The following PCDHA9 variants were observed in gnomAD, a reference collection of about 807,000 sequenced individuals.
The protein encoded by PCDHA9 is protocadherin alpha-9.
In PCDHA9, 62 loss-of-function variants were observed where a neutral mutation model predicts 62.0. The observed-to-expected ratio is 1.00, with a 90% CI of 0.81 to 1.23. The LOEUF (loss-of-function observed/expected upper bound fraction) is 1.23, where lower values mean the gene tolerates loss of function less well. PCDHA9 is among the 50% of genes most tolerant of loss of function. The pLI, the probability that PCDHA9 is intolerant of heterozygous loss-of-function variation, is 0.00. For missense variants in PCDHA9, 1,205 were observed against 1,249.8 expected, an observed-to-expected ratio of 0.96 and a Z score of 0.54; for synonymous variants, 557 against 567.6, an observed-to-expected ratio of 0.98 and a Z score of 0.27.
intron 3 of PCDHA9, among the ~76,000 whole-genome samples, chr5:140,989,486 A>G (rs1563557204): frequency 6.6e-6 from 1 of 152,190 alleles, no homozygotes; most frequent in African/African-American, 2.4e-5. Context: ...AGGTGCTTGA[A>G]CAAGAAAGAC....
intron 3 of PCDHA9, among the ~76,000 whole-genome samples, chr5:141,003,290 G>A (rs1302166316): frequency 1.3e-5 from 2 of 152,176 alleles, no homozygotes; most frequent in Non-Finnish European, 2.9e-5. Flanking sequence ...TTGGATTATA[G>A]GATTACATGA....
Position 140,857,722 on chromosome 5 carries a change from C to G in PCDHA9, c.2394+6833C>G, listed in dbSNP as rs371525843. The G allele has an allele frequency of 7.4e-5, 119 of 1,597,430 alleles. 2 individuals carry two copies. The highest frequency in any genetic ancestry group is 6.2e-4 in the East Asian group (28 of 44,824). The stretch of plus-strand genomic sequence containing the variant: ...TGCAGGTGTTCGTGCTGGACGAGAA[C>G]GACAACGCTCCCGCGCTGCTGGCGT... On this transcript the variant is annotated intron_variant, in intron 1 of 3. Transcript: ENST00000532602.
intron 1 of PCDHA9, chr5:140,862,791 G>A (rs782639549): frequency 1.7e-6 from 1 of 578,844 alleles, no homozygotes; most frequent in Non-Finnish European, 3.3e-6. Context: ...TGGACTACGA[G>A]GAGCTGGAGC....
At chr5:140,941,603 T>C (rs116946105) in intron 1 of PCDHA9, among the ~76,000 whole-genome samples, 1 of 152,024 alleles carries the variant, frequency 6.6e-6, no homozygotes, top group East Asian at 1.9e-4. Flanking sequence ...CCATGAGCCA[T>C]GGTGCCCAGC....
intron 1 of PCDHA9, chr5:140,883,657 C>T: frequency 1.2e-6 from 2 of 1,613,594 alleles, no homozygotes; most frequent in Non-Finnish European, 1.7e-6. Context: ...ACACGGTGTT[C>T]GTGAAGGAAA....
chr5:140,869,392 G>C (rs372231398), intron 1 of PCDHA9: 24 of 1,614,164 alleles, frequency 1.5e-5, no homozygotes, highest in African/African-American at 1.5e-4. Flanking sequence ...GGAGCTGTGC[G>C]GGCAGAGCGC....
At position 140,849,712 on chromosome 5, in the gene PCDHA9, C is replaced by G. The variant is rs782768269; in HGVS notation, c.1217C>G (p.Ser406Trp). The change falls in exon 1 of 4, where the codon TCG becomes TGG. Residue 406 changes from serine to tryptophan, a missense_variant. Around this residue, in one of 3 missense-constraint regions of PCDHA9, gnomAD observed 887 missense variants for 809.5 expected, o/e 1.10. Transcript: ENST00000532602. ...GTGTCCACCTACAAGAATTACTACTCGTTGGTGCTGGACAGAGCTCTGGAC... is the reference window on the plus strand; with the variant it reads ...GTGTCCACCTACAAGAATTACTACTGGTTGGTGCTGGACAGAGCTCTGGAC... ...KLVSTYKNYY[S>W]LVLDRALDRE... 6.3e-7 allele frequency: 1 copy of G among 1,598,502 alleles called. No homozygotes were observed. Among genetic ancestry groups the G allele is most frequent in the Non-Finnish European group, 8.6e-7 (1 of 1,168,030 alleles).
chr5:140,990,555 G>C (rs1176257375), intron 3 of PCDHA9, among the ~76,000 whole-genome samples: 1 of 152,130 alleles, frequency 6.6e-6, no homozygotes, highest in African/African-American at 2.4e-5. Context: ...TATTACCCAA[G>C]AACACACACC....
At chr5:140,967,879 T>C in intron 1 of PCDHA9, 1 of 1,614,104 alleles carries the variant, frequency 6.2e-7, no homozygotes, top group Non-Finnish European at 8.5e-7. Context: ...CGGACCTGTA[T>C]AGCCCAGTGC....
intron 1 of PCDHA9, among the ~76,000 whole-genome samples, chr5:140,939,041 T>G (rs2092303651): frequency 6.6e-6 from 1 of 152,222 alleles, no homozygotes; most frequent in Admixed American, 6.5e-5. Context: ...AAGAGTTGTC[T>G]TAGTCCATTT....
chr5:140,849,995 C>A lies in PCDHA9; in HGVS notation c.1500C>A (p.Gly500=), dbSNP rs2150462177. ...VSYSLVERRL[G]ERSLSSYVSV... is the part of the protein sequence containing the mutation. ...ACTCGCTGGTGGAGCGGCGGTTGGG[C>A]GAGCGCTCGCTGTCGAGCTACGTGT... Residue 500 remains glycine (G), a synonymous_variant, in exon 1 of 4, where the codon GGC becomes GGA. Transcript: ENST00000532602. 5.0e-6 allele frequency: 8 copies of A among 1,597,088 alleles called. 1 individual carries two copies. The East Asian group carries it at 1.3e-4, about 27-fold the overall frequency.
chr5:140,956,259 A>G (rs534711265), intron 1 of PCDHA9, among the ~76,000 whole-genome samples: 1 of 152,252 alleles, frequency 6.6e-6, no homozygotes, highest in African/African-American at 2.4e-5. Flanking sequence ...GGTTTTGCCC[A>G]TTCAGTGTGG....
At chr5:140,854,198 C>T (rs1554147125) in intron 1 of PCDHA9, 1 of 547,806 alleles carries the variant, frequency 1.8e-6, no homozygotes, top group East Asian at 1.4e-4. Flanking sequence ...CTACTCCCTA[C>T]TTTTTATTCA....
intron 1 of PCDHA9, chr5:140,866,074 T>C (rs1409925126): frequency 6.6e-6 from 1 of 152,180 alleles, no homozygotes; most frequent in Non-Finnish European, 1.5e-5. Context: ...CTGAGATAGG[T>C]ATTTTGGTTA....
At chr5:141,002,134 C>T (rs1477082485) in intron 3 of PCDHA9, among the ~76,000 whole-genome samples, 1 of 152,216 alleles carries the variant, frequency 6.6e-6, no homozygotes, top group African/African-American at 2.4e-5. Flanking sequence ...TAGCCTTTGC[C>T]GGCTGCACTG....
intron 1 of PCDHA9, among the ~76,000 whole-genome samples, chr5:140,952,804 C>T (rs191550367): frequency 2.6e-5 from 4 of 152,282 alleles, no homozygotes; most frequent in Non-Finnish European, 5.9e-5. Flanking sequence ...GCTCGCAGTT[C>T]TGCAGGCTGT....
intron 3 of PCDHA9, among the ~76,000 whole-genome samples, chr5:140,994,117 G>A (rs889813029): frequency 2.6e-5 from 4 of 152,198 alleles, no homozygotes; most frequent in Admixed American, 6.5e-5. Flanking sequence ...ATTGTCATGT[G>A]ATAAGGGCGA....
At chr5:140,889,415 G>A (rs192243576) in intron 1 of PCDHA9, among the ~76,000 whole-genome samples, 212 of 152,058 alleles carry the variant, frequency 1.4e-3, no homozygotes, top group African/African-American at 5.0e-3. Flanking sequence ...AGTCAGTTAC[G>A]TAGATAATAT....
chr5:140,977,841 A>G lies in PCDHA9; in HGVS notation c.2395-1108A>G, dbSNP rs76111417. On this transcript the variant is annotated intron_variant, in intron 1 of 3. Transcript: ENST00000532602. The stretch of plus-strand genomic sequence containing the variant: ...TTTTGAATGGTCTATTGATATTACT[A>G]TGGCTTTGTTTCTACCAAATATGGT... Among the ~76,000 whole-genome samples the G allele has an allele frequency of 8.3e-3, 1,257 of 152,348 alleles. 23 individuals carry two copies. Among genetic ancestry groups the G allele is most frequent in the African/African-American group, 0.028 (1,184 of 41,574 alleles).
Sources: allele counts gnomAD v4.1 joint callset (sites outside exome capture counted in the v4.1 genomes callset), GRCh38; gene constraint gnomAD v4.1.1; regional missense constraint gnomAD v4.1.1; transcripts MANE v1.5; gene names NCBI Gene and HGNC (gene_info 2026-07-23, HGNC 2026-07-21).